FAT3: variants seen among roughly 807,000 people sequenced by gnomAD.
The protein encoded by FAT3 is FAT atypical cadherin 3, also known as protocadherin Fat 3.
Under a neutral mutation model 310.2 loss-of-function variants are expected in FAT3, and 95 were observed. The observed-to-expected ratio is 0.31, with a 90% CI of 0.26 to 0.36. The LOEUF (loss-of-function observed/expected upper bound fraction) is 0.36, where lower values mean the gene tolerates loss of function less well. Among genes scored for constraint, FAT3 ranks in the 10% least tolerant of loss-of-function variants. FAT3 has a pLI of 1.00. For missense variants in FAT3, 5,408 were observed against 5,715.6 expected (o/e 0.95, Z 1.74); for synonymous variants, 2,314 against 2,192.9 (o/e 1.06, Z -1.54).
intron 1 of FAT3, among the ~76,000 whole-genome samples, chr11:92,311,487 C>T (rs1312287828): frequency 6.6e-6 from 1 of 152,260 alleles, no homozygotes; most frequent in Admixed American, 6.5e-5. Flanking sequence ...CAATTTAAGT[C>T]ACCTTATTTT....
intron 3 of FAT3, among the ~76,000 whole-genome samples, chr11:92,686,102 G>A (rs542992353): frequency 9.2e-5 from 14 of 152,162 alleles, no homozygotes; most frequent in Non-Finnish European, 1.9e-4. Context: ...ATTGGTAAAT[G>A]ATTAAGCACA....
intron 1 of FAT3, chr11:92,336,492 G>T (rs552671628): frequency 3.6e-5 from 10 of 276,538 alleles, no homozygotes; most frequent in Admixed American, 2.8e-4. Flanking sequence ...CAGCCCAACT[G>T]CCATGACAGA....
chr11:92,338,023 C>T (rs981948159), intron 1 of FAT3, among the ~76,000 whole-genome samples: 3 of 152,028 alleles, frequency 2.0e-5, no homozygotes, highest in South Asian at 2.1e-4. Context: ...GAAATCTATT[C>T]TAAAAGAAAA....
chr11:92,353,001 G>A lies in FAT3; in HGVS notation c.889G>A (p.Glu297Lys). Residue 297 changes from glutamate (E) to lysine (K), a missense_variant, in exon 2 of 28, where the codon GAG becomes AAG. Physicochemically the swap from Glu to Lys is moderately conservative, Grantham distance 56. Transcript: ENST00000525166. ...TGACTTAGATGATGGAGCGAATGGA[G>A]AGATCGAATCTGTTTCCATTGTGGC... is the stretch of plus-strand genomic sequence containing the variant. ...VDDLDDGANG[E>K]IESVSIVAGD... 1 of 1,613,838 alleles carries A rather than the reference G, an allele frequency of 6.2e-7. No homozygotes were observed. Among genetic ancestry groups the A allele is most frequent in the African/African-American group, 1.3e-5 (1 of 75,054 alleles).
chr11:92,375,109 C>T (rs1228913046), intron 2 of FAT3, among the ~76,000 whole-genome samples: 4 of 151,940 alleles, frequency 2.6e-5, no homozygotes, highest in East Asian at 3.9e-4. Context: ...AATATATATC[C>T]TGTTAAACTT....
At chr11:92,846,352 C>T (rs900833249) in intron 19 of FAT3, among the ~76,000 whole-genome samples, 3 of 152,150 alleles carry the variant, frequency 2.0e-5, no homozygotes, top group African/African-American at 4.8e-5. Flanking sequence ...CCCTTAGGAG[C>T]TGACAATTGT....
intron 1 of FAT3, chr11:92,335,937 A>AT (rs925018765): frequency 9.1e-4 from 325 of 356,422 alleles, no homozygotes; most frequent in East Asian, 1.9e-3. Context: ...ACTCCTATGG[A>AT]TTTTTTTTTC....
chr11:92,662,269 T>G (rs370789548), intron 3 of FAT3, among the ~76,000 whole-genome samples: 1 of 152,180 alleles, frequency 6.6e-6, no homozygotes, highest in African/African-American at 2.4e-5. Flanking sequence ...CATGGAAGCA[T>G]AGAAGAAACT....
intron 3 of FAT3, among the ~76,000 whole-genome samples, chr11:92,615,957 A>C (rs1215791211): frequency 6.6e-6 from 1 of 152,132 alleles, no homozygotes; most frequent in African/African-American, 2.4e-5. Flanking sequence ...TATTCTGTTG[A>C]TTTGGGGTGG....
At chr11:92,476,683 A>C (rs1272559953) in intron 2 of FAT3, among the ~76,000 whole-genome samples, 1 of 152,208 alleles carries the variant, frequency 6.6e-6, no homozygotes, top group Non-Finnish European at 1.5e-5. Context: ...AAAGCTTTAT[A>C]AACGAAGACA....
intron 4 of FAT3, among the ~76,000 whole-genome samples, chr11:92,705,889 GTGATGGTGGTGGTGATGGTGGTGGTT>G (rs1565527874): frequency 7.0e-6 from 1 of 142,960 alleles, no homozygotes; most frequent in Non-Finnish European, 1.5e-5. Context: ...TGGTGGTGGT[GTGATGGTGGTGGTGATGGTGGTGGTT>G]TGATGGTGGT....
intron 12 of FAT3, 103 bp from the exon 13 acceptor site, chr11:92,809,740 T>C (rs1453363132): frequency 4.8e-6 from 4 of 828,222 alleles, no homozygotes; most frequent in Non-Finnish European, 7.6e-6. Flanking sequence ...ATGATGTTAG[T>C]CCTTCCTATG....
intron 26 of FAT3, 120 bp downstream of exon 26, chr11:92,889,368 G>C: frequency 2.1e-6 from 1 of 473,982 alleles, no homozygotes; most frequent in East Asian, 3.3e-5. Flanking sequence ...TTTCTGATGA[G>C]ATGTGGGATA....
intron 8 of FAT3, among the ~76,000 whole-genome samples, chr11:92,791,909 C>G (rs2136161230): frequency 6.6e-6 from 1 of 152,304 alleles, no homozygotes; most frequent in South Asian, 2.1e-4. Context: ...TGCTTCAGCA[C>G]TTTGAAGAAA....
At chr11:92,269,689 C>G (rs138281319) in intron 1 of FAT3, among the ~76,000 whole-genome samples, 5 of 152,156 alleles carry the variant, frequency 3.3e-5, no homozygotes, top group Middle Eastern at 3.4e-3. Context: ...ATTTACCTAC[C>G]TTCTTTCTAA....
At chr11:92,431,108 C>T (rs1372652875) in intron 2 of FAT3, among the ~76,000 whole-genome samples, 1 of 152,178 alleles carries the variant, frequency 6.6e-6, no homozygotes, top group African/African-American at 2.4e-5. Flanking sequence ...AATGGTTGAA[C>T]TAGTTTACAG....
At chr11:92,639,640 G>A (rs1941886595) in intron 3 of FAT3, among the ~76,000 whole-genome samples, 1 of 152,150 alleles carries the variant, frequency 6.6e-6, no homozygotes, top group East Asian at 1.9e-4. Flanking sequence ...CAACAGAAAT[G>A]CCTGAGTTGT....
intron 3 of FAT3, among the ~76,000 whole-genome samples, chr11:92,695,584 C>T (rs1943913927): frequency 6.6e-6 from 1 of 152,180 alleles, no homozygotes. Flanking sequence ...CAAACACATT[C>T]CAAGTCTGTA....
chr11:92,849,202 G>C (rs1948757231), intron 19 of FAT3, among the ~76,000 whole-genome samples: 1 of 152,202 alleles, frequency 6.6e-6, no homozygotes, highest in Non-Finnish European at 1.5e-5. Context: ...ATTCATCCTT[G>C]ACTCTCTTAT....
Sources: allele counts gnomAD v4.1 joint callset (sites outside exome capture counted in the v4.1 genomes callset), GRCh38; gene constraint gnomAD v4.1.1; transcripts MANE v1.5; gene names NCBI Gene and HGNC (gene_info 2026-07-23, HGNC 2026-07-21).